Variants in SPOP observed in about 807,000 individuals in gnomAD.
The protein encoded by SPOP is speckle-type POZ protein.
In SPOP, 11 loss-of-function variants were observed where a neutral mutation model predicts 45.6. The ratio of observed to expected loss-of-function variants is 0.24; its 90% confidence interval spans 0.15 to 0.40. The LOEUF (loss-of-function observed/expected upper bound fraction) is 0.40, where lower values mean the gene tolerates loss of function less well. Ranked by LOEUF, SPOP falls within the 10% of genes least tolerant of loss-of-function variation. The probability of loss-of-function intolerance (pLI) is 1.00; values close to 1 mark genes in which losing one functional copy is unlikely to be tolerated. For missense variants in SPOP, 152 were observed against 465.6 expected (o/e 0.33, Z 6.20); for synonymous variants, 166 against 166.3 (o/e 1.00, Z 0.01).
At chr17:49,631,473 T>C (rs1417955820) in intron 1 of SPOP, among the ~76,000 whole-genome samples, 1 of 152,204 alleles carries the variant, frequency 6.6e-6, no homozygotes, top group Non-Finnish European at 1.5e-5. Flanking sequence ...ACCATGTAAA[T>C]ATATTACCTA....
At chr17:49,622,370 A>G (rs776154549) in intron 2 of SPOP, 15 of 540,692 alleles carry the variant, frequency 2.8e-5, no homozygotes, top group Non-Finnish European at 3.4e-5. Context: ...AGCATATGAT[A>G]AAACCGTACT....
At chr17:49,612,195 C>T (rs906604770) in intron 5 of SPOP, among the ~76,000 whole-genome samples, 1 of 152,184 alleles carries the variant, frequency 6.6e-6, no homozygotes, top group African/African-American at 2.4e-5. Flanking sequence ...AATCTAATAA[C>T]TGAAGCCTAA....
rs1011301564 is a variant in SPOP, at chr17:49,678,043, G to A, written c.-177C>T. The A allele has an allele frequency of 7.5e-6, 3 of 399,072 alleles. No homozygotes were observed. The highest frequency in any genetic ancestry group is 7.1e-5 in the East Asian group (2 of 28,086). 24.7% of individuals were successfully genotyped at this position (399,072 alleles called of 1,614,324 possible). On this transcript the variant is annotated 5_prime_UTR_variant, in exon 1 of 10. Transcript: ENST00000504102. Reference sequence around the variant, plus strand: ...CGATACACAAATACACACACACTCGGAGCGCGCACACTCACACACACACAT... The same window carrying A: ...CGATACACAAATACACACACACTCGAAGCGCGCACACTCACACACACACAT...
At chr17:49,608,673 ACAC>A (rs1325989807) in intron 6 of SPOP, among the ~76,000 whole-genome samples, 1 of 152,220 alleles carries the variant, frequency 6.6e-6, no homozygotes, top group Admixed American at 6.5e-5. Context: ...AGTCCAATGA[ACAC>A]CATGAAAAAT....
At chr17:49,659,710 C>T (rs937764146) in intron 1 of SPOP, among the ~76,000 whole-genome samples, 4 of 152,232 alleles carry the variant, frequency 2.6e-5, no homozygotes, top group Admixed American at 2.0e-4. Flanking sequence ...GCTCTGATTT[C>T]ATTTCAAGCT....
intron 1 of SPOP, among the ~76,000 whole-genome samples, chr17:49,659,583 G>A (rs1241554979): frequency 6.6e-6 from 1 of 152,152 alleles, no homozygotes; most frequent in Non-Finnish European, 1.5e-5. Context: ...CAGATTAGTA[G>A]AGTAGGCTAG....
intron 9 of SPOP, 163 bp downstream of exon 9, chr17:49,601,702 G>C (rs2071743324): frequency 6.0e-6 from 5 of 830,392 alleles, no homozygotes; most frequent in Admixed American, 5.7e-5. Flanking sequence ...AACCCATGAA[G>C]TCAATTCCAT....
At chr17:49,645,621 T>C (rs537624424) in intron 1 of SPOP, among the ~76,000 whole-genome samples, 84 of 152,216 alleles carry the variant, frequency 5.5e-4, no homozygotes, top group South Asian at 1.0e-3. Flanking sequence ...ATAAAAATAA[T>C]GTCCACAGTA....
At chr17:49,614,802 A>AGTGTGTGTGT (rs60134980) in intron 5 of SPOP, among the ~76,000 whole-genome samples, 1,533 of 147,050 alleles carry the variant, frequency 0.01, 22 homozygotes, top group African/African-American at 0.034. Context: ...CATGCTATGA[A>AGTGTGTGTGT]GTGTGTGTGT....
intron 1 of SPOP, among the ~76,000 whole-genome samples, chr17:49,625,975 T>C (rs1047564734): frequency 1.3e-5 from 2 of 152,224 alleles, no homozygotes; most frequent in African/African-American, 2.4e-5. Flanking sequence ...GGGTATAAAC[T>C]ACTTTTTGTA....
chr17:49,672,287 C>T (rs2073145944), intron 1 of SPOP, among the ~76,000 whole-genome samples: 1 of 152,186 alleles, frequency 6.6e-6, no homozygotes, highest in South Asian at 2.1e-4. Context: ...AGATCATTAT[C>T]ATGAGGTGAA....
In SPOP at chr17:49,657,456, T is replaced by G. The variant is rs1180741548; in HGVS notation, c.-67+20477A>C. 2.0e-5 allele frequency among the ~76,000 whole-genome samples: 3 copies of G among 152,010 alleles called. No individual in the cohort carries two copies. The East Asian group carries it at 5.8e-4, about 30-fold the overall frequency. On this transcript the variant is annotated intron_variant, in intron 1 of 9. Transcript: ENST00000504102. Reference sequence around the variant, plus strand: ...CACTGTCACCCAGGCTGGAGTACAATGGCGTGATCTCGGCTCACTGCAACC... The same window carrying G: ...CACTGTCACCCAGGCTGGAGTACAAGGGCGTGATCTCGGCTCACTGCAACC...
At chr17:49,639,284 G>A (rs887989398) in intron 1 of SPOP, among the ~76,000 whole-genome samples, 1 of 151,930 alleles carries the variant, frequency 6.6e-6, no homozygotes, top group Non-Finnish European at 1.5e-5. Flanking sequence ...GACAAAACTG[G>A]TAAGGGCTGA....
intron 1 of SPOP, among the ~76,000 whole-genome samples, chr17:49,631,511 A>G (rs939289839): frequency 1.3e-5 from 2 of 152,228 alleles, no homozygotes; most frequent in African/African-American, 4.8e-5. Context: ...AAAATTTAAA[A>G]AGGAATTAGC....
chr17:49,676,813 G>A (rs1278181720), intron 1 of SPOP, among the ~76,000 whole-genome samples: 3 of 152,104 alleles, frequency 2.0e-5, no homozygotes, highest in Non-Finnish European at 4.4e-5. Flanking sequence ...TGAAAACCCA[G>A]GTCCTAGATC....
chr17:49,608,961 T>C (rs1405281328), intron 6 of SPOP, among the ~76,000 whole-genome samples: 1 of 151,540 alleles, frequency 6.6e-6, no homozygotes, highest in African/African-American at 2.4e-5. Flanking sequence ...TAGAGTGGAG[T>C]GCAGTGGCAT....
chr17:49,668,566 C>T (rs2073092808), intron 1 of SPOP, among the ~76,000 whole-genome samples: 1 of 152,000 alleles, frequency 6.6e-6, no homozygotes, highest in African/African-American at 2.4e-5. Context: ...TAGGAGTACA[C>T]TAAGGCTTTG....
intron 1 of SPOP, among the ~76,000 whole-genome samples, chr17:49,641,227 CACTCCAGCCTGG>C (rs769658841): frequency 7.8e-6 from 1 of 128,502 alleles, no homozygotes; most frequent in Non-Finnish European, 1.6e-5. Flanking sequence ...TGCATTACTG[CACTCCAGCCTGG>C]ATGACAGAGC....
rs550755553 is a variant in SPOP, at chr17:49,672,348, A to G, written c.-67+5585T>C. Among the ~76,000 whole-genome samples, 9 of 152,322 alleles carry G rather than the reference A, an allele frequency of 5.9e-5. No homozygotes were observed. In the South Asian group the frequency reaches 1.7e-3, roughly 28 times the overall value. ...CAATGCCAAAGTAGCACCACTCCAC[A>G]GATAACTTACTAATTACAAAGGGGG... On this transcript the variant is annotated intron_variant, in intron 1 of 9. Transcript: ENST00000504102.
Sources: allele counts gnomAD v4.1 joint callset (sites outside exome capture counted in the v4.1 genomes callset), GRCh38; gene constraint gnomAD v4.1.1; transcripts MANE v1.5; gene names NCBI Gene and HGNC (gene_info 2026-07-23, HGNC 2026-07-21).